POLR1E: variants seen among roughly 807,000 people sequenced by gnomAD.
POLR1E encodes DNA-directed RNA polymerase I subunit RPA49.
A neutral mutation model predicts 50.9 loss-of-function variants in POLR1E; 37 were observed. That is an observed-to-expected ratio of 0.73 (90% confidence interval 0.56 to 0.96). The LOEUF (loss-of-function observed/expected upper bound fraction) is 0.96. POLR1E is among the 40% of genes least tolerant of loss of function. The pLI is 0.00. For synonymous variants in POLR1E, 166 were observed against 191.6 expected, an observed-to-expected ratio of 0.87 and a Z score of 1.10; for missense variants, 426 against 518.1, an observed-to-expected ratio of 0.82 and a Z score of 1.73.
intron 6 of POLR1E, among the ~76,000 whole-genome samples, chr9:37,494,929 A>G (rs1820758230): frequency 6.6e-6 from 1 of 152,206 alleles, no homozygotes; most frequent in Admixed American, 6.5e-5. Flanking sequence ...ACTCTATTGT[A>G]AGTTACCTGA....
chr9:37,492,700 A>G lies in POLR1E; in HGVS notation c.387A>G (p.Lys129=). ...ESELALESQT[K]TYREKMDSCI... ...AACTGGCGCTAGAGAGTCAGACCAA[A>G]ACTTACAGAGAAAAGGTGAGTGTGA... The change falls in exon 5 of 12, where the codon AAA becomes AAG. Residue 129 remains lysine (K), a synonymous_variant. Coordinates refer to ENST00000377798, the MANE Select transcript of POLR1E (RefSeq NM_022490.4). The G allele has an allele frequency of 6.2e-7, 1 of 1,613,982 alleles. No individual in the cohort carries two copies. Among genetic ancestry groups the G allele is most frequent in the Non-Finnish European group, 8.5e-7 (1 of 1,179,890 alleles).
At chr9:37,491,875 A>T (rs1257500159) in intron 4 of POLR1E, among the ~76,000 whole-genome samples, 1 of 152,034 alleles carries the variant, frequency 6.6e-6, no homozygotes, top group African/African-American at 2.4e-5. Context: ...TCATCTTCCA[A>T]CTGTTCTTGT....
chr9:37,489,106 C>T lies in POLR1E; in HGVS notation c.258-209C>T, dbSNP rs1196528683. ...TGCAAAAATTAGCCGGGGATGGTGG[C>T]GTGCGCCTGTAATCCCAGCTACTCA... On this transcript the variant is annotated intron_variant, in intron 3 of 11. Transcript: ENST00000377798. Among the ~76,000 whole-genome samples the T allele has an allele frequency of 3.3e-5, 5 of 151,960 alleles. No homozygotes were observed. In the South Asian group the frequency reaches 6.2e-4, roughly 19 times the overall value.
At chr9:37,486,672 C>G in intron 1 of POLR1E, 31 bp from the exon 2 acceptor site, 1 of 1,614,244 alleles carries the variant, frequency 6.2e-7, no homozygotes, top group African/African-American at 1.3e-5. Context: ...GCCTTCTGCT[C>G]TCATCTCATT....
intron 4 of POLR1E, chr9:37,492,226 G>C: frequency 7.8e-7 from 1 of 1,283,762 alleles, no homozygotes; most frequent in South Asian, 1.2e-5. Flanking sequence ...GTACTTTGTA[G>C]ATGATTGGAG....
At position 37,500,892 on chromosome 9, in the gene POLR1E, C is replaced by CT; in HGVS notation, c.942dup (p.Thr315TyrfsTer35). 3.7e-6 allele frequency: 6 copies of CT among 1,613,956 alleles called. No individual in the cohort carries two copies. Among genetic ancestry groups the CT allele is most frequent in the Non-Finnish European group, 5.1e-6 (6 of 1,179,852 alleles). ...TCATCAACACCAAACTGCTGAAGCA[C>CT]TTTACTTGCTTGACCTACAACAATG... On this transcript the variant is annotated frameshift_variant, in exon 10 of 12. Transcript: ENST00000377798. LOFTEE classifies it high-confidence loss of function.
chr9:37,492,346 C>G (rs1311953911), intron 4 of POLR1E: 1 of 1,294,336 alleles, frequency 7.7e-7, no homozygotes, highest in Admixed American at 2.2e-5. Flanking sequence ...CTAATCCTGT[C>G]TCTGCCACTA....
In POLR1E at chr9:37,500,933, G is replaced by T; in HGVS notation, c.968+12G>T. On this transcript the variant is annotated intron_variant, in intron 10 of 11. Transcript: ENST00000377798. Reference sequence around the variant, plus strand: ...TACAACAATGGCAGGTCAGGGGGTGGTTGCTGGGATTTTTCTTGTGCAGGA... The same window carrying T: ...TACAACAATGGCAGGTCAGGGGGTGTTTGCTGGGATTTTTCTTGTGCAGGA... 6.2e-7 allele frequency: 1 copy of T among 1,607,714 alleles called. No individual in the cohort carries two copies. Among genetic ancestry groups the T allele is most frequent in the Non-Finnish European group, 8.5e-7 (1 of 1,174,668 alleles).
At position 37,487,606 on chromosome 9, in the gene POLR1E, T is replaced by C. The variant is rs571270966; in HGVS notation, c.181-257T>C. ...CTCTCTCTCAAGTCTTGTGGCAGAA[T>C]TCCCCCAAGAGCTTTTCATACCATT... is the stretch of plus-strand genomic sequence containing the variant. On this transcript the variant is annotated intron_variant, in intron 2 of 11. Transcript: ENST00000377798. Among the ~76,000 whole-genome samples the C allele has an allele frequency of 6.6e-5, 10 of 152,306 alleles. No individual in the cohort carries two copies. The East Asian group carries it at 9.6e-4, about 15-fold the overall frequency.
At position 37,497,979 on chromosome 9, in the gene POLR1E, T is replaced by C. The variant is rs1166711524; in HGVS notation, c.753-112T>C. The stretch of plus-strand genomic sequence containing the variant: ...TTGTTGCCCAGGGTTTCATCAGCTG[T>C]TGAGTGCGTCGGGGTGAGAGGCGCC... On this transcript the variant is annotated intron_variant, in intron 8 of 11. Coordinates refer to ENST00000377798, the MANE Select transcript of POLR1E (RefSeq NM_022490.4). 8.0e-6 allele frequency: 10 copies of C among 1,254,692 alleles called. No homozygotes were observed. The African/African-American group carries it at 1.5e-4, about 19-fold the overall frequency. The allele number at this position is 1,254,692 out of a possible 1,614,324, so 77.7% of individuals were successfully genotyped here. A position where few individuals can be genotyped will look rare whatever the true frequency, so the allele number is the denominator to read the frequency against.
At chr9:37,489,108 T>A (rs113003994) in intron 3 of POLR1E, among the ~76,000 whole-genome samples, 6,151 of 151,960 alleles carry the variant, frequency 0.04, 421 homozygotes, top group African/African-American at 0.14. Flanking sequence ...GATGGTGGCG[T>A]GCGCCTGTAA....
chr9:37,502,965 G>T, intron 11 of POLR1E, 78 bp from the exon 12 acceptor site: 1 of 1,399,566 alleles, frequency 7.1e-7, no homozygotes, highest in South Asian at 1.4e-5. Flanking sequence ...GCATGAATGT[G>T]CTGCTACCTT....
chr9:37,503,207 A>G lies in POLR1E; in HGVS notation c.*5A>G. ...AAGCGGAGGAAGATTACCTAGACGC[A>G]TGCTTTCCAGACAGGGCGTTTTGGC... On this transcript the variant is annotated 3_prime_UTR_variant, in exon 12 of 12. Transcript: ENST00000377798. The G allele has an allele frequency of 6.3e-7, 1 of 1,599,582 alleles. No individual in the cohort carries two copies. Among genetic ancestry groups the G allele is most frequent in the South Asian group, 1.1e-5 (1 of 89,200 alleles).
rs1037503255 is a variant in POLR1E, at chr9:37,487,894, G to A, written c.212G>A (p.Gly71Glu). ...GAAACAGATAGGCTCTCCTATGTGG[G>A]AAACAATTTTGGGACTGGAGCCCTC... ...AAETDRLSYV[G>E]NNFGTGALKC... Residue 71 changes from glycine to glutamate, a missense_variant, in exon 3 of 12, where the codon GGA (glycine) becomes GAA (glutamate). Physicochemically the swap from Gly to Glu is moderately conservative, Grantham distance 98 (BLOSUM62 -2). Transcript: ENST00000377798. 2.5e-6 allele frequency: 4 copies of A among 1,614,080 alleles called. No homozygotes were observed. The highest frequency in any genetic ancestry group is 3.4e-6 in the Non-Finnish European group (4 of 1,180,020).
chr9:37,495,986 G>A lies in POLR1E; in HGVS notation c.752G>A (p.Ser251Asn), dbSNP rs202057503. Reference protein sequence around the residue: ...EEILKMIEENSHCTFVIEALK... With the variant: ...EEILKMIEENNHCTFVIEALK... ...ATACTGAAGATGATTGAGGAGAACA[G>A]GTACCCTGACTTAAGCAGATGGGGA... Residue 251 changes from serine (S) to asparagine (N), a missense_variant and splice_region_variant, in exon 8 of 12, where the codon AGC becomes AAC. Transcript: ENST00000377798. 2.5e-6 allele frequency: 4 copies of A among 1,612,036 alleles called. No individual in the cohort carries two copies. In the East Asian group the frequency reaches 8.9e-5, roughly 36 times the overall value.
intron 4 of POLR1E, chr9:37,490,934 G>A: frequency 4.7e-6 from 2 of 421,622 alleles, no homozygotes; most frequent in South Asian, 4.1e-5. Flanking sequence ...GGCCGAAAGG[G>A]TTCTTTCTTA....
At chr9:37,501,281 A>C in intron 10 of POLR1E, among the ~76,000 whole-genome samples, 1 of 152,214 alleles carries the variant, frequency 6.6e-6, no homozygotes, top group East Asian at 1.9e-4. Flanking sequence ...GACTCTGGGG[A>C]AAGACCCGCA....
At chr9:37,495,140 G>A in intron 6 of POLR1E, 29 bp from the exon 7 acceptor site, 1 of 1,539,680 alleles carries the variant, frequency 6.5e-7, no homozygotes, top group Non-Finnish European at 9.0e-7. Flanking sequence ...CAAACAGGGT[G>A]ATACATGGAT....
intron 11 of POLR1E, among the ~76,000 whole-genome samples, 173 bp downstream of exon 11, chr9:37,502,017 A>T (rs1820900551): frequency 6.6e-6 from 1 of 152,224 alleles, no homozygotes. Context: ...GAGCAACTAG[A>T]CATTACTGAG....
Sources: gnomAD v4.1 joint callset for allele counts (sites outside exome capture counted in the v4.1 genomes callset) on GRCh38, gnomAD v4.1.1 for gene constraint, MANE v1.5 for transcripts, NCBI Gene and HGNC (gene_info 2026-07-23, HGNC 2026-07-21) for gene names.